Variants in ARG1 observed in about 807,000 individuals in gnomAD.
ARG1 encodes arginase-1.
ARG1 carries 20 observed loss-of-function variants against 33.0 expected under a neutral mutation model. The observed-to-expected ratio is 0.61, with a 90% CI of 0.43 to 0.88. The LOEUF is 0.88. Among genes scored for constraint, ARG1 ranks in the 40% least tolerant of loss-of-function variants. ARG1 has a pLI of 0.00. For synonymous variants in ARG1, 146 were observed against 140.6 expected (o/e 1.04, Z -0.27); for missense variants, 374 against 384.7 (o/e 0.97, Z 0.23).
intron 2 of ARG1, 86 bp from the exon 3 acceptor site, chr6:131,579,025 C>T: frequency 1.1e-5 from 16 of 1,444,000 alleles, no homozygotes; most frequent in Non-Finnish European, 1.3e-5. Flanking sequence ...TGAATATATG[C>T]CTATTTTATA....
chr6:131,583,856 T>A lies in ARG1; in HGVS notation c.917T>A (p.Leu306His), dbSNP rs1461329572. The A allele has an allele frequency of 6.2e-7, 1 of 1,614,054 alleles. No individual in the cohort carries two copies. The highest frequency in any genetic ancestry group is 2.2e-5 in the East Asian group (1 of 44,872). Residue 306 changes from leucine (L) to histidine (H), a missense_variant, in exon 8 of 8, where the codon CTT (leucine) becomes CAT (histidine). Physicochemically the swap from Leu to His is moderately conservative, Grantham distance 99. Coordinates refer to ENST00000368087, the MANE Select transcript of ARG1 (RefSeq NM_000045.4). Reference protein sequence around the residue: ...AVAITLACFGLAREGNHKPID... With the variant: ...AVAITLACFGHAREGNHKPID... Reference sequence around the variant, plus strand: ...GCAATAACCTTGGCTTGTTTCGGACTTGCTCGGGAGGGTAATCACAAGCCT... The same window carrying A: ...GCAATAACCTTGGCTTGTTTCGGACATGCTCGGGAGGGTAATCACAAGCCT...
chr6:131,574,490 A>G (rs777195079), intron 1 of ARG1, among the ~76,000 whole-genome samples: 17 of 152,196 alleles, frequency 1.1e-4, no homozygotes, highest in Non-Finnish European at 2.5e-4. Context: ...TAATAAATAT[A>G]TAATTTAAAA....
In ARG1 at chr6:131,579,246, A is replaced by G; in HGVS notation, c.266A>G (p.Lys89Arg). ...QLAGKVAEVK[K>R]NGRISLVLGG... The stretch of plus-strand genomic sequence containing the variant: ...GCTGGCAAGGTGGCAGAAGTCAAGA[A>G]GAACGGAAGAATCAGCCTGGTGCTG... The change falls in exon 3 of 8, where the codon AAG becomes AGG. Residue 89 changes from lysine to arginine, a missense_variant. Physicochemically the swap from Lys to Arg is conservative, Grantham distance 26. Transcript: ENST00000368087. The G allele has an allele frequency of 6.2e-7, 1 of 1,614,154 alleles. No individual in the cohort carries two copies. Among genetic ancestry groups the G allele is most frequent in the African/African-American group, 1.3e-5 (1 of 75,050 alleles).
chr6:131,575,618 C>A (rs1338378923), intron 1 of ARG1, among the ~76,000 whole-genome samples: 1 of 152,188 alleles, frequency 6.6e-6, no homozygotes, highest in African/African-American at 2.4e-5. Flanking sequence ...GATGCCACAG[C>A]CCCAATCCTA....
intron 2 of ARG1, among the ~76,000 whole-genome samples, chr6:131,577,290 T>G (rs1049396053): frequency 5.9e-5 from 9 of 152,154 alleles, no homozygotes; most frequent in African/African-American, 2.2e-4. Context: ...ACTGGAACCC[T>G]CATATATTTC....
Position 131,576,678 on chromosome 6 carries a change from G to A in ARG1, c.73G>A (p.Glu25Lys). Residue 25 changes from glutamate to lysine, a missense_variant, in exon 2 of 8, where the codon GAA (glutamate) becomes AAA (lysine). Glu to Lys is a moderately conservative substitution (Grantham distance 56, BLOSUM62 1). Transcript: ENST00000368087. ...FSKGQPRGGV[E>K]EGPTVLRKAG... ...AATTGTTCAGCCACGAGGAGGGGTG[G>A]AAGAAGGCCCTACAGTATTGAGAAA... The A allele has an allele frequency of 6.2e-7, 1 of 1,614,046 alleles. No homozygotes were observed. Among genetic ancestry groups the A allele is most frequent in the East Asian group, 2.2e-5 (1 of 44,876 alleles).
At chr6:131,573,383 A>G in intron 1 of ARG1, 44 bp downstream of exon 1, 1 of 1,604,932 alleles carries the variant, frequency 6.2e-7, no homozygotes, top group African/African-American at 1.3e-5. Flanking sequence ...ATTTAGTTGA[A>G]AATTTTGGAC....
In ARG1 at chr6:131,574,064, CT is replaced by C. The variant is rs374040136; in HGVS notation, c.57+733del. The C allele has an allele frequency of 3.3e-3, 1,942 of 593,712 alleles. 24 individuals carry two copies. Among genetic ancestry groups the C allele is most frequent in the South Asian group, 0.016 (775 of 47,376 alleles). The allele number at this position is 593,712 out of a possible 1,614,324, so 36.8% of individuals were successfully genotyped here. A position where few individuals can be genotyped will look rare whatever the true frequency, so the allele number is the denominator to read the frequency against. On this transcript the variant is annotated intron_variant, in intron 1 of 7. Transcript: ENST00000368087. ...ACACATGCCAGCAACATTGAATACA[CT>C]TTTTTTTCTGCCTGGGCACACTTAT...
intron 1 of ARG1, chr6:131,574,074 TGCCTGGG>T: frequency 1.5e-5 from 9 of 610,574 alleles, no homozygotes; most frequent in Admixed American, 1.0e-4. Context: ...CTTTTTTTTC[TGCCTGGG>T]CACACTTATT....
At chr6:131,576,475 A>G (rs532250558) in intron 1 of ARG1, among the ~76,000 whole-genome samples, 188 bp from the exon 2 acceptor site, 242 of 152,252 alleles carry the variant, frequency 1.6e-3, no homozygotes, top group Non-Finnish European at 2.5e-3. Flanking sequence ...AGTTCTTTCT[A>G]TTTGGCATAA....
chr6:131,577,021 C>G (rs1255341655), intron 2 of ARG1, among the ~76,000 whole-genome samples: 2 of 151,322 alleles, frequency 1.3e-5, no homozygotes, highest in Non-Finnish European at 2.9e-5. Flanking sequence ...GTAGGGGAGC[C>G]GGGGGAACAG....
At chr6:131,579,896 TCTCA>T (rs1773832600) in intron 3 of ARG1, among the ~76,000 whole-genome samples, 1 of 152,056 alleles carries the variant, frequency 6.6e-6, no homozygotes, top group African/African-American at 2.4e-5. Flanking sequence ...TATGTTGTGT[TCTCA>T]CTCTACAGTG....
intron 2 of ARG1, among the ~76,000 whole-genome samples, 197 bp from the exon 3 acceptor site, chr6:131,578,914 C>T (rs572633761): frequency 5.3e-5 from 8 of 152,204 alleles, no homozygotes; most frequent in African/African-American, 1.9e-4. Flanking sequence ...TACAGCCGCA[C>T]CAGTGTGTGA....
chr6:131,583,591 G>T, intron 7 of ARG1, 100 bp downstream of exon 7: 1 of 1,545,260 alleles, frequency 6.5e-7, no homozygotes, highest in South Asian at 1.1e-5. Context: ...GACACTTTCA[G>T]AATGTCCATC....
rs571322919 is a variant in ARG1 at position 131,579,471 on chromosome 6, T to C, written c.305+186T>C. 2.9e-3 allele frequency: 1,605 copies of C among 561,636 alleles called. 13 individuals carry two copies. Among genetic ancestry groups the C allele is most frequent in the Middle Eastern group, 0.022 (44 of 2,040 alleles). 34.8% of individuals were successfully genotyped at this position (561,636 alleles called of 1,614,324 possible). A position where few individuals can be genotyped will look rare whatever the true frequency, so the allele number is the denominator to read the frequency against. On this transcript the variant is annotated intron_variant, in intron 3 of 7. Coordinates refer to ENST00000368087, the MANE Select transcript of ARG1 (RefSeq NM_000045.4). ...GAAACAGACTTCGCTCAATTTGAAG[T>C]CTTACAATATCTGTATTTTGACCTA...
chr6:131,577,376 G>A (rs1012703311), intron 2 of ARG1, among the ~76,000 whole-genome samples: 2 of 152,096 alleles, frequency 1.3e-5, no homozygotes, highest in African/African-American at 2.4e-5. Flanking sequence ...TTTACATTTT[G>A]ACCCAGCAGT....
Position 131,583,894 on chromosome 6 carries a change from AACCC to A in ARG1, c.959_962del (p.Pro320LeufsTer14), listed in dbSNP as rs1554251368. Reference sequence around the variant, plus strand: ...TAATCACAAGCCTATTGACTACCTTAACCCACCTAAGTAAATGTGGAAACATCCG... The same window carrying A: ...TAATCACAAGCCTATTGACTACCTTAACCTAAGTAAATGTGGAAACATCCG... On this transcript the variant is annotated frameshift_variant, in exon 8 of 8. Transcript: ENST00000368087. LOFTEE classifies it high-confidence loss of function. The A allele has an allele frequency of 2.5e-6, 4 of 1,614,076 alleles. No homozygotes were observed. The highest frequency in any genetic ancestry group is 8.5e-7 in the Non-Finnish European group (1 of 1,179,970).
rs1774045707 is a variant in ARG1 at position 131,583,504 on chromosome 6, C to A, written c.802+13C>A. ...ATCTACAAAACAGGTAGTTAACAATCTGAGGTAATAGAGAAGCAAGTGTAC... is the reference window on the plus strand; with the variant it reads ...ATCTACAAAACAGGTAGTTAACAATATGAGGTAATAGAGAAGCAAGTGTAC... On this transcript the variant is annotated intron_variant, in intron 7 of 7. Coordinates refer to ENST00000368087, the MANE Select transcript of ARG1 (RefSeq NM_000045.4). 2 of 1,613,868 alleles carry A rather than the reference C, an allele frequency of 1.2e-6. No homozygotes were observed. The highest frequency in any genetic ancestry group is 1.7e-6 in the Non-Finnish European group (2 of 1,179,926).
At position 131,583,459 on chromosome 6, in the gene ARG1, G is replaced by T. The variant is rs772473981; in HGVS notation, c.770G>T (p.Gly257Val). 1.4e-5 allele frequency: 22 copies of T among 1,614,096 alleles called. No homozygotes were observed. Among genetic ancestry groups the T allele is most frequent in the Non-Finnish European group, 1.9e-5 (22 of 1,179,978 alleles). ...PVVGGLTYRE[G>V]LYITEEIYKT... ...GTGGGAGGTCTGACATACAGAGAAG[G>T]TCTCTACATCACAGAAGAAATCTAC... Residue 257 changes from glycine to valine, a missense_variant, in exon 7 of 8, where the codon GGT becomes GTT. Physicochemically the swap from Gly to Val is moderately radical, Grantham distance 109. Coordinates refer to ENST00000368087, the MANE Select transcript of ARG1 (RefSeq NM_000045.4).
Sources: gnomAD v4.1 joint callset for allele counts (sites outside exome capture counted in the v4.1 genomes callset) on GRCh38, gnomAD v4.1.1 for gene constraint, MANE v1.5 for transcripts, NCBI Gene and HGNC (gene_info 2026-07-23, HGNC 2026-07-21) for gene names.